Variants in ZMIZ1 observed in about 807,000 individuals in gnomAD.
ZMIZ1 encodes the protein zinc finger MIZ domain-containing protein 1.
Under a neutral mutation model 113.9 loss-of-function variants are expected in ZMIZ1, and 17 were observed. That is an observed-to-expected ratio of 0.15 (90% CI 0.10 to 0.22). The LOEUF (loss-of-function observed/expected upper bound fraction) is 0.22. Among genes scored for constraint, ZMIZ1 ranks in the 10% least tolerant of loss-of-function variants. The probability of loss-of-function intolerance (pLI) is 1.00; values close to 1 mark genes in which losing one functional copy is unlikely to be tolerated. For synonymous variants in ZMIZ1, 607 were observed against 603.1 expected, an observed-to-expected ratio of 1.01 and a Z score of -0.09; for missense variants, 1,059 against 1,477.8, an observed-to-expected ratio of 0.72 and a Z score of 4.65.
intron 2 of ZMIZ1, among the ~76,000 whole-genome samples, chr10:79,132,111 T>G (rs377428296): frequency 6.6e-6 from 1 of 152,204 alleles, no homozygotes; most frequent in Admixed American, 6.5e-5. Flanking sequence ...ACCACTACCC[T>G]GGGCTTTGAC....
chr10:79,264,199 C>G lies in ZMIZ1; in HGVS notation c.281-12982C>G, dbSNP rs563047334. ...GAGTGGGACTGTTGACCCAGGCCAG[C>G]CTGGGGACTGCCTCCTCACCTCCCT... On this transcript the variant is annotated intron_variant, in intron 7 of 24. Coordinates refer to ENST00000334512, the MANE Select transcript of ZMIZ1 (RefSeq NM_020338.4). Among the ~76,000 whole-genome samples the G allele has an allele frequency of 2.0e-5, 3 of 152,296 alleles. No individual in the cohort carries two copies. The East Asian group carries it at 5.8e-4, about 29-fold the overall frequency.
intron 7 of ZMIZ1, among the ~76,000 whole-genome samples, chr10:79,263,735 A>G (rs1049114240): frequency 2.6e-5 from 4 of 151,846 alleles, no homozygotes; most frequent in Non-Finnish European, 5.9e-5. Flanking sequence ...AGGTCAAATC[A>G]AATCAAGGGA....
At chr10:79,261,478 T>A (rs1304482028) in intron 7 of ZMIZ1, among the ~76,000 whole-genome samples, 1 of 152,204 alleles carries the variant, frequency 6.6e-6, no homozygotes, top group East Asian at 1.9e-4. Context: ...CTCCCCCAGC[T>A]GCTCTGGAAG....
chr10:79,131,616 G>C (rs893222062), intron 2 of ZMIZ1, among the ~76,000 whole-genome samples: 1 of 152,152 alleles, frequency 6.6e-6, no homozygotes, highest in Non-Finnish European at 1.5e-5. Context: ...TGTCTTTGGA[G>C]AGGCACTTAG....
intron 3 of ZMIZ1, among the ~76,000 whole-genome samples, chr10:79,159,648 T>A (rs1263992840): frequency 6.6e-6 from 1 of 152,108 alleles, no homozygotes; most frequent in African/African-American, 2.4e-5. Flanking sequence ...TTTCACTGAG[T>A]GCTAAAGGAA....
At position 79,123,196 on chromosome 10, in the gene ZMIZ1, C is replaced by T. The variant is rs577158846; in HGVS notation, c.-227+4172C>T. 3.3e-5 allele frequency among the ~76,000 whole-genome samples: 5 copies of T among 152,306 alleles called. No individual in the cohort carries two copies. The South Asian group carries it at 1.0e-3, about 32-fold the overall frequency. On this transcript the variant is annotated intron_variant, in intron 2 of 24. Transcript: ENST00000334512. The stretch of plus-strand genomic sequence containing the variant: ...ATGACAAACTGTTCCATATGGCTGG[C>T]ACTTCACAAAAGACACTCAAAACAC...
intron 2 of ZMIZ1, among the ~76,000 whole-genome samples, chr10:79,132,075 C>T (rs753644717): frequency 6.6e-6 from 1 of 152,194 alleles, no homozygotes; most frequent in Non-Finnish European, 1.5e-5. Flanking sequence ...TCCTTCAGAA[C>T]CTGCAGTGTT....
intron 3 of ZMIZ1, 28 bp downstream of exon 3, chr10:79,139,805 A>G (rs1158761754): frequency 2.5e-6 from 1 of 398,574 alleles, no homozygotes; most frequent in Non-Finnish European, 4.4e-6. Flanking sequence ...TGCCCAGGCC[A>G]TACCATCACC....
intron 18 of ZMIZ1, among the ~76,000 whole-genome samples, chr10:79,303,432 G>A (rs1199968494): frequency 2.2e-5 from 3 of 136,862 alleles, no homozygotes; most frequent in Admixed American, 7.9e-5. Flanking sequence ...TCCAGCCTGG[G>A]CAACACAGCC....
At chr10:79,114,655 T>C (rs900551672) in intron 1 of ZMIZ1, among the ~76,000 whole-genome samples, 5 of 152,072 alleles carry the variant, frequency 3.3e-5, no homozygotes, top group Non-Finnish European at 7.4e-5. Context: ...TGAACAGCTG[T>C]CAGCACCCCC....
rs1168813811 is a variant in ZMIZ1, at chr10:79,069,592, C to G, written c.-337+322C>G. 6.6e-6 allele frequency among the ~76,000 whole-genome samples: 1 copy of G among 151,786 alleles called. No individual in the cohort carries two copies. Among genetic ancestry groups the G allele is most frequent in the Non-Finnish European group, 1.5e-5 (1 of 67,896 alleles). On this transcript the variant is annotated intron_variant, in intron 1 of 24. Transcript: ENST00000334512. The surrounding 1 kb of genome is among the most constrained non-coding windows in gnomAD (Gnocchi z 4.6). ...TGCCCGCCTCCTGCCGGCGCGCCTC[C>G]AGCCCTCGCTCCCTACACCCGGGGG... is the stretch of plus-strand genomic sequence containing the variant.
intron 1 of ZMIZ1, among the ~76,000 whole-genome samples, chr10:79,102,995 A>T (rs567277314): frequency 3.9e-5 from 6 of 152,352 alleles, no homozygotes; most frequent in Admixed American, 1.3e-4. Flanking sequence ...TGGGGAACAC[A>T]GAAGGACAGT....
chr10:79,213,164 C>G (rs1253138236), intron 6 of ZMIZ1, among the ~76,000 whole-genome samples: 1 of 152,202 alleles, frequency 6.6e-6, no homozygotes, highest in Non-Finnish European at 1.5e-5. Context: ...CCCTATAGGA[C>G]CTTCACAGAG....
intron 2 of ZMIZ1, among the ~76,000 whole-genome samples, chr10:79,137,023 A>T (rs553838161): frequency 9.8e-5 from 15 of 152,376 alleles, no homozygotes; most frequent in African/African-American, 3.6e-4. Context: ...CTAAGAATAT[A>T]GGAATTTGTT....
chr10:79,215,111 G>C (rs930656761), intron 6 of ZMIZ1, among the ~76,000 whole-genome samples: 2 of 152,172 alleles, frequency 1.3e-5, no homozygotes, highest in Non-Finnish European at 2.9e-5. Flanking sequence ...CCCCCCATTT[G>C]CTGGGGCTTA....
chr10:79,099,781 A>T (rs2132256398), intron 1 of ZMIZ1, among the ~76,000 whole-genome samples: 1 of 152,208 alleles, frequency 6.6e-6, no homozygotes, highest in South Asian at 2.1e-4. Context: ...CTGCCAGAGG[A>T]GCGGGGGCTG....
rs115170854 is a variant in ZMIZ1, at chr10:79,244,900, G to T, written c.280+28626G>T. Among the ~76,000 whole-genome samples the T allele has an allele frequency of 5.9e-3, 904 of 152,238 alleles. 9 individuals are homozygous for T. The highest frequency in any genetic ancestry group is 0.021 in the African/African-American group (871 of 41,550). ...TGGGCCTGAAGCTTATCTCCCATCT[G>T]CTATGGAGGAAAGGCCCTGTCCCAG... On this transcript the variant is annotated intron_variant, in intron 7 of 24. Coordinates refer to ENST00000334512, the MANE Select transcript of ZMIZ1 (RefSeq NM_020338.4).
intron 2 of ZMIZ1, among the ~76,000 whole-genome samples, chr10:79,130,812 G>T (rs1434093058): frequency 6.6e-6 from 1 of 152,104 alleles, no homozygotes; most frequent in Non-Finnish European, 1.5e-5. Flanking sequence ...GTGTTTGCAG[G>T]GTCCCAGAAC....
At chr10:79,223,357 T>TG (rs1250602590) in intron 7 of ZMIZ1, among the ~76,000 whole-genome samples, 3 of 152,196 alleles carry the variant, frequency 2.0e-5, no homozygotes, top group Non-Finnish European at 4.4e-5. Flanking sequence ...CCTGGCAGGC[T>TG]GGGGCACCTT....
Sources: allele counts gnomAD v4.1 joint callset (sites outside exome capture counted in the v4.1 genomes callset), GRCh38; gene constraint gnomAD v4.1.1; non-coding constraint Gnocchi (gnomAD v3.1); transcripts MANE v1.5; gene names NCBI Gene and HGNC (gene_info 2026-07-23, HGNC 2026-07-21).